UNC80: variants seen among roughly 807,000 people sequenced by gnomAD.
UNC80 encodes protein unc-80 homolog.
Under a neutral mutation model 384.6 loss-of-function variants are expected in UNC80, and 164 were observed. The ratio of observed to expected loss-of-function variants is 0.43; its 90% CI spans 0.38 to 0.49. UNC80 has a LOEUF of 0.49. Ranked by LOEUF, UNC80 falls within the 20% of genes least tolerant of loss-of-function variation. The probability of loss-of-function intolerance (pLI) is 0.00; values close to 1 mark genes in which losing one functional copy is unlikely to be tolerated. For synonymous variants in UNC80, 1,486 were observed against 1,527.8 expected, an observed-to-expected ratio of 0.97 and a Z score of 0.64; for missense variants, 3,330 against 4,143.0, an observed-to-expected ratio of 0.80 and a Z score of 5.39.
chr2:209,897,150 A>G (rs1442299881), intron 28 of UNC80, among the ~76,000 whole-genome samples: 1 of 152,034 alleles, frequency 6.6e-6, no homozygotes, highest in East Asian at 1.9e-4. Context: ...TGATTTGAGA[A>G]TCTCTGAGGC....
At chr2:209,866,533 C>CACACAGAGAGAGAGAGAG (rs1307214321) in intron 22 of UNC80, among the ~76,000 whole-genome samples, 2 of 104,086 alleles carry the variant, frequency 1.9e-5, no homozygotes, top group Admixed American at 1.8e-4. Flanking sequence ...CACACACACA[C>CACACAGAGAGAGAGAGAG]AGAGAGAGAG....
Position 209,992,252 on chromosome 2 carries a change from G to A in UNC80, c.9396+5G>A. The A allele has an allele frequency of 6.4e-7, 1 of 1,551,264 alleles. No individual in the cohort carries two copies. Among genetic ancestry groups the A allele is most frequent in the Non-Finnish European group, 8.7e-7 (1 of 1,146,718 alleles). ...AGGAAGAGGGGCCTGAGGCAGGTAA[G>A]TAGACCCTTAAAGCGCAAGAGAACC... On this transcript the variant is annotated splice_donor_5th_base_variant and intron_variant, in intron 62 of 64. Transcript: ENST00000673920.
At chr2:209,980,621 T>A (rs1307472424) in intron 59 of UNC80, among the ~76,000 whole-genome samples, 1 of 152,210 alleles carries the variant, frequency 6.6e-6, no homozygotes, top group Non-Finnish European at 1.5e-5. Context: ...CTTTCTTACA[T>A]TCAATAATCA....
chr2:209,945,218 T>C, intron 46 of UNC80, 29 bp downstream of exon 46: 1 of 1,545,062 alleles, frequency 6.5e-7, no homozygotes. Context: ...TTGACATTCT[T>C]TTTCTCACTG....
intron 51 of UNC80, 58 bp downstream of exon 51, chr2:209,959,765 A>G: frequency 4.7e-6 from 7 of 1,484,382 alleles, no homozygotes; most frequent in Non-Finnish European, 6.4e-6. Context: ...ATGTGTCTGA[A>G]TGTGTGTGTT....
intron 51 of UNC80, among the ~76,000 whole-genome samples, chr2:209,962,980 T>TA (rs1464747027): frequency 2.0e-5 from 3 of 152,166 alleles, no homozygotes; most frequent in African/African-American, 7.2e-5. Context: ...TGGGATGATA[T>TA]AAAAAATGCA....
intron 4 of UNC80, among the ~76,000 whole-genome samples, chr2:209,779,025 T>G (rs1236720722): frequency 6.6e-6 from 1 of 152,202 alleles, no homozygotes; most frequent in Admixed American, 6.5e-5. Flanking sequence ...ACACATACAC[T>G]GGCCACATTG....
At position 209,933,823 on chromosome 2, in the gene UNC80, T is replaced by A. The variant is rs984602297; in HGVS notation, c.5996T>A (p.Val1999Glu). 1.3e-6 allele frequency: 2 copies of A among 1,549,360 alleles called. No homozygotes were observed. Among genetic ancestry groups the A allele is most frequent in the African/African-American group, 2.7e-5 (2 of 72,904 alleles). Residue 1999 changes from valine to glutamate, a missense_variant and splice_region_variant, in exon 39 of 65, where the codon GTA (valine) becomes GAA (glutamate). Physicochemically the swap from Val to Glu is moderately radical, Grantham distance 121. Transcript: ENST00000673920. Reference protein sequence around the residue: ...QTSHILFNYLVGLIMYFVRTP... With the variant: ...QTSHILFNYLEGLIMYFVRTP... The stretch of plus-strand genomic sequence containing the variant: ...AACTCTTCTTATACTGACTTCTAGG[T>A]AGGATTAATCATGTACTTTGTGCGG...
intron 23 of UNC80, among the ~76,000 whole-genome samples, chr2:209,875,031 G>A (rs1007232264): frequency 1.3e-5 from 2 of 152,004 alleles, no homozygotes; most frequent in East Asian, 1.9e-4. Flanking sequence ...TTCTCATCTC[G>A]ATGATTAAAC....
intron 22 of UNC80, among the ~76,000 whole-genome samples, chr2:209,851,692 G>C (rs2082542402): frequency 6.6e-6 from 1 of 151,930 alleles, no homozygotes; most frequent in Admixed American, 6.6e-5. Context: ...GCATTCTAAG[G>C]TTGATTGATG....
At chr2:209,811,530 TG>T (rs2079349436) in intron 7 of UNC80, among the ~76,000 whole-genome samples, 1 of 152,214 alleles carries the variant, frequency 6.6e-6, no homozygotes, top group African/African-American at 2.4e-5. Context: ...AAGGAGATTC[TG>T]TAAGACTTTA....
intron 5 of UNC80, among the ~76,000 whole-genome samples, chr2:209,786,569 C>T (rs760147202): frequency 3.9e-5 from 6 of 152,148 alleles, no homozygotes; most frequent in African/African-American, 9.7e-5. Context: ...TCATCATCAT[C>T]ATGGTAAATG....
chr2:209,992,569 GT>G (rs1226564517), intron 62 of UNC80, among the ~76,000 whole-genome samples: 1 of 152,130 alleles, frequency 6.6e-6, no homozygotes, highest in Non-Finnish European at 1.5e-5. Context: ...CAAGCCAAAT[GT>G]TTCGATCTTC....
At chr2:209,938,710 C>CTCTCTGTG (rs1491352008) in intron 42 of UNC80, among the ~76,000 whole-genome samples, 1 of 83,514 alleles carries the variant, frequency 1.2e-5, no homozygotes, top group South Asian at 4.1e-4. Flanking sequence ...CTCTCTCTCT[C>CTCTCTGTG]TGTGTGTGTG....
At chr2:209,888,877 A>G (rs1041449246) in intron 26 of UNC80, among the ~76,000 whole-genome samples, 5 of 152,162 alleles carry the variant, frequency 3.3e-5, no homozygotes, top group African/African-American at 1.2e-4. Flanking sequence ...CAATTATCTT[A>G]ACATCAATGG....
intron 29 of UNC80, among the ~76,000 whole-genome samples, chr2:209,907,584 G>A (rs1237500626): frequency 1.3e-5 from 2 of 152,150 alleles, no homozygotes; most frequent in African/African-American, 4.8e-5. Context: ...TGAGTATGAA[G>A]GGCCATGGCT....
At chr2:209,866,527 C>CACACACACACAT (rs774958486) in intron 22 of UNC80, among the ~76,000 whole-genome samples, 1,188 of 90,622 alleles carry the variant, frequency 0.013, 24 homozygotes, top group East Asian at 0.1. Flanking sequence ...CACACACACA[C>CACACACACACAT]ACACACAGAG....
chr2:209,922,534 TTAAAAAAAAA>T (rs2090119646), intron 35 of UNC80, among the ~76,000 whole-genome samples, 151 bp downstream of exon 35: 1 of 152,216 alleles, frequency 6.6e-6, no homozygotes, highest in Non-Finnish European at 1.5e-5. Flanking sequence ...ATGGCATCCT[TTAAAAAAAAA>T]TTGTTGATTT....
chr2:209,869,700 G>A (rs1487025057), intron 22 of UNC80, among the ~76,000 whole-genome samples: 1 of 151,924 alleles, frequency 6.6e-6, no homozygotes, highest in Non-Finnish European at 1.5e-5. Flanking sequence ...AACATGAATG[G>A]GTTTGGCTAT....
Sources: gnomAD v4.1 joint callset for allele counts (sites outside exome capture counted in the v4.1 genomes callset) on GRCh38, gnomAD v4.1.1 for gene constraint, MANE v1.5 for transcripts, NCBI Gene and HGNC (gene_info 2026-07-23, HGNC 2026-07-21) for gene names.